Variants in SH3D21 observed in about 807,000 individuals in gnomAD.
SH3D21 encodes the protein SH3 domain-containing protein 21.
In SH3D21, 83 loss-of-function variants were observed where a neutral mutation model predicts 82.1. The ratio of observed to expected loss-of-function variants is 1.01; its 90% CI spans 0.85 to 1.21. The LOEUF is 1.21. Among genes scored for constraint, SH3D21 ranks in the 50% most tolerant of loss-of-function variants. The pLI is 0.00. For synonymous variants in SH3D21, 383 were observed against 387.8 expected (o/e 0.99, Z 0.15); for missense variants, 980 against 962.1 (o/e 1.02, Z -0.25).
chr1:36,308,194 A>G lies in SH3D21; in HGVS notation c.624A>G (p.Val208=), dbSNP rs749822602. 1.3e-6 allele frequency: 2 copies of G among 1,542,000 alleles called. No individual in the cohort carries two copies. The highest frequency in any genetic ancestry group is 1.8e-6 in the Non-Finnish European group (2 of 1,142,016). The change falls in exon 8 of 16, where the codon GTA becomes GTG. Residue 208 remains valine (V), a synonymous_variant. Coordinates refer to ENST00000453908, the MANE Select transcript of SH3D21 (RefSeq NM_001162530.2). ...DELALRRGDV[V]KVLSKTTEDK... The stretch of plus-strand genomic sequence containing the variant: ...TGGCGCTGCGGAGGGGGGACGTGGT[A>G]AAAGTACTCAGCAAGGTGTGAGACG...
chr1:36,312,212 G>A (rs1460692349), intron 10 of SH3D21, among the ~76,000 whole-genome samples: 1 of 151,646 alleles, frequency 6.6e-6, no homozygotes, highest in Non-Finnish European at 1.5e-5. Flanking sequence ...TTTTAGTAGA[G>A]ACGGGTTTCA....
downstream of SH3D21, chr1:36,329,138 T>A (rs930229205): frequency 1.3e-5 from 2 of 152,276 alleles, no homozygotes; most frequent in East Asian, 3.8e-4. Context: ...TTATGGCTAA[T>A]ATGCCAGCCT....
At chr1:36,328,394 C>T (rs549625077), downstream of SH3D21, 1 of 343,938 alleles carries the variant, frequency 2.9e-6, no homozygotes, top group African/African-American at 2.1e-5. Flanking sequence ...TCACCGGGGG[C>T]CTCCTGAGTC....
chr1:36,322,890 G>T, downstream of SH3D21: 1 of 1,561,242 alleles, frequency 6.4e-7, no homozygotes, highest in Non-Finnish European at 8.8e-7. Context: ...GGGCGGAGGG[G>T]ACGGACAAGG....
Position 36,307,127 on chromosome 1 carries a change from G to A in SH3D21, c.227-40G>A. 1 of 1,549,956 alleles carries A rather than the reference G, an allele frequency of 6.5e-7. No homozygotes were observed. Among genetic ancestry groups the A allele is most frequent in the Non-Finnish European group, 8.7e-7 (1 of 1,146,106 alleles). On this transcript the variant is annotated intron_variant, in intron 3 of 15. Transcript: ENST00000453908. The surrounding 1 kb of genome is among the most constrained non-coding windows in gnomAD (Gnocchi z 5.4). ...CGCTTCCCCCAGCTCCTCTGACTGGGGCGTCCGACTGGAGCTCAGCCGCGC... is the reference window on the plus strand; with the variant it reads ...CGCTTCCCCCAGCTCCTCTGACTGGAGCGTCCGACTGGAGCTCAGCCGCGC...
At position 36,320,787 on chromosome 1, in the gene SH3D21, G is replaced by C. The variant is rs763739532; in HGVS notation, c.2124G>C (p.Glu708Asp). Residue 708 changes from glutamate to aspartate, a missense_variant, in exon 14 of 16, where the codon GAG becomes GAC. By Grantham distance (45) the Glu-to-Asp change is conservative (BLOSUM62 2). Coordinates refer to ENST00000453908, the MANE Select transcript of SH3D21 (RefSeq NM_001162530.2). ...TAAGGAGGGCGCTGGAGCTGATGGAGGTGCAGCTGGAGTGAGTGGGCAGTG... is the reference window on the plus strand; with the variant it reads ...TAAGGAGGGCGCTGGAGCTGATGGACGTGCAGCTGGAGTGAGTGGGCAGTG... ...ESLRRALELM[E>D]VQLERKLTDI... 38 of 1,569,846 alleles carry C rather than the reference G, an allele frequency of 2.4e-5. No homozygotes were observed. Among genetic ancestry groups the C allele is most frequent in the Non-Finnish European group, 3.3e-5 (38 of 1,157,288 alleles).
rs1469878435 is a variant in SH3D21 at position 36,319,670 on chromosome 1, G to A, written c.1012-5G>A. 7.6e-6 allele frequency: 12 copies of A among 1,576,962 alleles called. No homozygotes were observed. Among genetic ancestry groups the A allele is most frequent in the Admixed American group, 1.8e-5 (1 of 55,628 alleles). On this transcript the variant is annotated splice_region_variant and splice_polypyrimidine_tract_variant and intron_variant, in intron 13 of 15. Transcript: ENST00000453908. ...CAGCTGAGACTTCACCTCCCATCAC[G>A]GCAGGAGGAAGAGCACAGCAGCCCG...
At chr1:36,318,035 G>A (rs771870695) in intron 10 of SH3D21, among the ~76,000 whole-genome samples, 3 of 152,228 alleles carry the variant, frequency 2.0e-5, no homozygotes, top group Non-Finnish European at 2.9e-5. Context: ...GGAGGCTGTT[G>A]GAATGTCCAG....
Position 36,318,448 on chromosome 1 carries a change from T to A in SH3D21, c.770-623T>A, listed in dbSNP as rs1162741384. ...ACCCATAAGACTGGGTGAGATCTCT[T>A]AGAGAGTAAATGAGAGAGAATATAA... On this transcript the variant is annotated intron_variant, in intron 10 of 15. Coordinates refer to ENST00000453908, the MANE Select transcript of SH3D21 (RefSeq NM_001162530.2). Among the ~76,000 whole-genome samples, 4 of 152,112 alleles carry A rather than the reference T, an allele frequency of 2.6e-5. No individual in the cohort carries two copies. In the East Asian group the frequency reaches 7.7e-4, roughly 29 times the overall value.
chr1:36,319,503 CCAGACTCCCCAGCAACGCT>C lies in SH3D21; in HGVS notation c.980_998del (p.Gln327LeufsTer13). The C allele has an allele frequency of 6.4e-7, 1 of 1,551,648 alleles. No homozygotes were observed. Among genetic ancestry groups the C allele is most frequent in the Non-Finnish European group, 8.7e-7 (1 of 1,146,978 alleles). ...ACCCTGGCCGAAAGCGATCCAAAACCCAGACTCCCCAGCAACGCTCTGTGTCCAGTCAGGTGAGGGGCGG... is the reference window on the plus strand; with the variant it reads ...ACCCTGGCCGAAAGCGATCCAAAACCCTGTGTCCAGTCAGGTGAGGGGCGG... On this transcript the variant is annotated frameshift_variant, in exon 13 of 16. Transcript: ENST00000453908. LOFTEE classifies it high-confidence loss of function.
In SH3D21 at chr1:36,306,825, C is replaced by G. The variant is rs1388311830; in HGVS notation, c.163-17C>G. 2 of 1,295,354 alleles carry G rather than the reference C, an allele frequency of 1.5e-6. No homozygotes were observed. Among genetic ancestry groups the G allele is most frequent in the African/African-American group, 1.5e-5 (1 of 64,960 alleles). The allele number at this position is 1,295,354 out of a possible 1,614,324, so 80.2% of individuals were successfully genotyped here. A position where few individuals can be genotyped will look rare whatever the true frequency, so the allele number is the denominator to read the frequency against. ...CCCCGGGAGCTGAGAGCGCCTTCCC[C>G]GTGCCCTGATTCCCAGGAGATCCCA... is the stretch of plus-strand genomic sequence containing the variant. On this transcript the variant is annotated splice_polypyrimidine_tract_variant and intron_variant, in intron 2 of 15. Transcript: ENST00000453908. The surrounding 1 kb of genome is among the most constrained non-coding windows in gnomAD (Gnocchi z 4.5).
chr1:36,320,838 C>G (rs963587337), intron 14 of SH3D21, 40 bp downstream of exon 14: 4 of 1,550,010 alleles, frequency 2.6e-6, no homozygotes, highest in Non-Finnish European at 3.5e-6. Context: ...GGTAGGGTTC[C>G]CCCTAGCCCT....
rs1570401910 is a variant in SH3D21 at position 36,319,720 on chromosome 1, AC to A, written c.1062del (p.Met355CysfsTer38). On this transcript the variant is annotated frameshift_variant, in exon 14 of 16. Coordinates refer to ENST00000453908, the MANE Select transcript of SH3D21 (RefSeq NM_001162530.2). LOFTEE classifies it high-confidence loss of function. ...GGTAAAGGCCCCCTCTGTGAAGAGA[AC>A]CCCCATGCCGGACAAGACTGCCACC... ...SPVKAPSVKR[T>X]PMPDKTATPE... 1 of 1,595,192 alleles carries A rather than the reference AC, an allele frequency of 6.3e-7. No individual in the cohort carries two copies. Among genetic ancestry groups the A allele is most frequent in the Non-Finnish European group, 8.5e-7 (1 of 1,172,540 alleles).
chr1:36,327,980 C>A, downstream of SH3D21: 1 of 788,698 alleles, frequency 1.3e-6, no homozygotes. Flanking sequence ...GCTGTTCTGG[C>A]CCTCATCCCA....
rs1010585010 is a variant in SH3D21 at position 36,318,965 on chromosome 1, C to T, written c.770-106C>T. 36 of 617,622 alleles carry T rather than the reference C, an allele frequency of 5.8e-5. 1 individual carries two copies. Among genetic ancestry groups the T allele is most frequent in the African/African-American group, 3.5e-4 (19 of 54,330 alleles). 38.3% of individuals were successfully genotyped at this position (617,622 alleles called of 1,614,324 possible). On this transcript the variant is annotated intron_variant, in intron 10 of 15. Transcript: ENST00000453908. ...TACAAAAATTAGCCGGGTGCAGTGG[C>T]GCATAGTCAAACAAGATTAACCTCC...
At chr1:36,319,204 G>A (rs1469734547) in intron 11 of SH3D21, 40 bp downstream of exon 11, 1 of 1,549,976 alleles carries the variant, frequency 6.5e-7, no homozygotes, top group African/African-American at 1.4e-5. Flanking sequence ...AGGAGGGTAG[G>A]AGGCAACGCC....
intron 10 of SH3D21, among the ~76,000 whole-genome samples, chr1:36,314,906 T>C (rs1247260322): frequency 6.6e-6 from 1 of 152,174 alleles, no homozygotes; most frequent in Non-Finnish European, 1.5e-5. Context: ...AAGCTGCTGA[T>C]CCTCACAGTT....
chr1:36,319,979 T>G lies in SH3D21; in HGVS notation c.1316T>G (p.Leu439Arg), dbSNP rs1223792126. The G allele has an allele frequency of 9.9e-6, 16 of 1,614,064 alleles. No individual in the cohort carries two copies. Among genetic ancestry groups the G allele is most frequent in the Non-Finnish European group, 1.3e-5 (15 of 1,179,996 alleles). ...PENSIIPEET[L>R]TVDKPSTPER... The stretch of plus-strand genomic sequence containing the variant: ...AACTCCATCATCCCAGAGGAGACCC[T>G]GACTGTGGACAAACCCTCCACTCCA... Residue 439 changes from leucine to arginine, a missense_variant, in exon 14 of 16, where the codon CTG becomes CGG. Leu to Arg is a moderately radical substitution (Grantham distance 102). Transcript: ENST00000453908.
At chr1:36,322,746 G>A (rs749050710), downstream of SH3D21, 5 of 1,543,876 alleles carry the variant, frequency 3.2e-6, no homozygotes, top group Admixed American at 5.9e-5. Context: ...CAGGGCGGGG[G>A]TCACGGAGAG....
Sources: gnomAD v4.1 joint callset for allele counts (sites outside exome capture counted in the v4.1 genomes callset) on GRCh38, gnomAD v4.1.1 for gene constraint, Gnocchi (gnomAD v3.1) non-coding constraint, MANE v1.5 for transcripts, NCBI Gene and HGNC (gene_info 2026-07-23, HGNC 2026-07-21) for gene names.